The following SMPD3 variants were observed in gnomAD, a reference collection of about 807,000 sequenced individuals.
The protein encoded by SMPD3 is nSMase-2.
A neutral mutation model predicts 55.7 loss-of-function variants in SMPD3; 21 were observed. That is an observed-to-expected ratio of 0.38 (90% CI 0.27 to 0.54). The LOEUF is 0.54. Among genes scored for constraint, SMPD3 ranks in the 20% least tolerant of loss-of-function variants. SMPD3 has a pLI of 0.80. For missense variants in SMPD3, 842 were observed against 899.6 expected (o/e 0.94, Z 0.82); for synonymous variants, 457 against 404.3 (o/e 1.13, Z -1.56).
intron 3 of SMPD3, among the ~76,000 whole-genome samples, chr16:68,366,442 A>G (rs2089480527): frequency 6.6e-6 from 1 of 151,950 alleles, no homozygotes; most frequent in Non-Finnish European, 1.5e-5. Context: ...TTCACCATTC[A>G]CTTCTTGCCC....
chr16:68,388,234 C>A (rs1418269345), intron 1 of SMPD3, among the ~76,000 whole-genome samples: 2 of 152,192 alleles, frequency 1.3e-5, no homozygotes, highest in Non-Finnish European at 2.9e-5. Context: ...TGGCTTTTGC[C>A]CTCAGAGCCA....
intron 1 of SMPD3, among the ~76,000 whole-genome samples, chr16:68,407,582 G>A (rs1037715097): frequency 9.9e-5 from 15 of 152,032 alleles, no homozygotes; most frequent in Non-Finnish European, 1.5e-4. Flanking sequence ...GGATCCTCCC[G>A]TCTCAGCCTC....
intron 1 of SMPD3, among the ~76,000 whole-genome samples, chr16:68,410,459 C>G (rs1442165898): frequency 6.6e-6 from 1 of 152,146 alleles, no homozygotes; most frequent in African/African-American, 2.4e-5. Context: ...CCCCCAGCCT[C>G]AGGCTATTTG....
chr16:68,433,230 C>T (rs533851362), intron 1 of SMPD3, among the ~76,000 whole-genome samples: 2 of 152,290 alleles, frequency 1.3e-5, no homozygotes, highest in East Asian at 1.9e-4. Flanking sequence ...CTGATTCTTT[C>T]GTAAGAACCT....
chr16:68,361,838 GTCTCCTCCCAGT>G, intron 7 of SMPD3, 79 bp from the exon 8 acceptor site: 2 of 1,426,634 alleles, frequency 1.4e-6, no homozygotes, highest in Non-Finnish European at 1.9e-6. Context: ...TGGAGCCATG[GTCTCCTCCCAGT>G]GTGGGAGCGG....
chr16:68,390,061 G>A (rs1173526265), intron 1 of SMPD3, among the ~76,000 whole-genome samples: 1 of 152,198 alleles, frequency 6.6e-6, no homozygotes, highest in Admixed American at 6.5e-5. Flanking sequence ...GCGTTTTCCA[G>A]GAAGGGGGTG....
chr16:68,440,345 G>A (rs1390793109), intron 1 of SMPD3, among the ~76,000 whole-genome samples: 1 of 152,156 alleles, frequency 6.6e-6, no homozygotes, highest in African/African-American at 2.4e-5. Flanking sequence ...GACTACAGGT[G>A]CACACCACCA....
rs759989348 is a variant in SMPD3 at position 68,364,748 on chromosome 16, C to T, written c.1555+3G>A. 1.9e-6 allele frequency: 3 copies of T among 1,611,834 alleles called. No homozygotes were observed. Among genetic ancestry groups the T allele is most frequent in the Non-Finnish European group, 2.5e-6 (3 of 1,178,942 alleles). ...ACCTGAGTGGGGAGGAGCCCGGCCTCACCAGAGGAGCAGTTATCAAAGTTG... is the reference window on the plus strand; with the variant it reads ...ACCTGAGTGGGGAGGAGCCCGGCCTTACCAGAGGAGCAGTTATCAAAGTTG... On this transcript the variant is annotated splice_donor_region_variant and intron_variant, in intron 5 of 8. Coordinates refer to ENST00000219334, the MANE Select transcript of SMPD3 (RefSeq NM_018667.4).
At position 68,371,181 on chromosome 16, in the gene SMPD3, G is replaced by A. The variant is rs1360364782; in HGVS notation, c.1001C>T (p.Ala334Val). ...GTCGGGGTGCCGCCTCCTGCGTGCA[G>A]CCGCCTTCTTCACCACCGAGGCCTT... ...LYKASVVKKA[A>V]ARRRRHPDEA... The change falls in exon 3 of 9, where the codon GCT (alanine) becomes GTT (valine). Residue 334 changes from alanine (A) to valine (V), a missense_variant. Transcript: ENST00000219334. The A allele has an allele frequency of 1.2e-6, 2 of 1,612,406 alleles. No individual in the cohort carries two copies. The highest frequency in any genetic ancestry group is 1.3e-5 in the African/African-American group (1 of 74,840).
At chr16:68,422,695 G>C (rs1382580767) in intron 1 of SMPD3, among the ~76,000 whole-genome samples, 1 of 152,186 alleles carries the variant, frequency 6.6e-6, no homozygotes, top group Non-Finnish European at 1.5e-5. Context: ...ACTGCAAATT[G>C]CTTCCCATGC....
intron 1 of SMPD3, among the ~76,000 whole-genome samples, chr16:68,409,881 C>A (rs1238762356): frequency 2.6e-5 from 4 of 152,200 alleles, no homozygotes; most frequent in South Asian, 2.1e-4. Flanking sequence ...CGTGAGCCAC[C>A]GCGCCCAGCC....
chr16:68,365,041 A>T lies in SMPD3; in HGVS notation c.1375T>A (p.Cys459Ser). 6.2e-7 allele frequency: 1 copy of T among 1,614,124 alleles called. No individual in the cohort carries two copies. The highest frequency in any genetic ancestry group is 8.5e-7 in the Non-Finnish European group (1 of 1,180,000). The change falls in exon 4 of 9, where the codon TGC becomes AGC. Residue 459 changes from cysteine to serine, a missense_variant. Physicochemically the swap from Cys to Ser is moderately radical, Grantham distance 112. Transcript: ENST00000219334. The stretch of plus-strand genomic sequence containing the variant: ...CCTTGCGGGGCATGCAGGTGTGTGC[A>T]GGCGATGTACCCGACGATTCTTTGG... ...QDQRIVGYIA[C>S]THLHAPQEDS...
At chr16:68,362,049 C>T (rs1530645) in intron 7 of SMPD3, among the ~76,000 whole-genome samples, 22,731 of 152,208 alleles carry the variant, frequency 0.15, 1,811 homozygotes, top group African/African-American at 0.21. Context: ...CAGAACTGAT[C>T]CCACCCGTTC....
chr16:68,386,334 T>C (rs2090052463), intron 2 of SMPD3, among the ~76,000 whole-genome samples: 1 of 152,148 alleles, frequency 6.6e-6, no homozygotes, highest in African/African-American at 2.4e-5. Flanking sequence ...TCCCATATAT[T>C]GAGGGAGTTA....
At chr16:68,363,414 C>A in intron 7 of SMPD3, 82 bp downstream of exon 7, 1 of 1,499,170 alleles carries the variant, frequency 6.7e-7, no homozygotes, top group East Asian at 2.3e-5. Context: ...GAGCTGAGCT[C>A]TCCCATGTGG....
In SMPD3 at chr16:68,365,068, C is replaced by T; in HGVS notation, c.1348G>A (p.Asp450Asn). The stretch of plus-strand genomic sequence containing the variant: ...GCGATGTACCCGACGATTCTTTGGT[C>T]CTGAGGTGTGCTTCCCACCTGCACC... The part of the protein sequence containing the change: ...LKVQVGSTPQ[D>N]QRIVGYIACT... The change falls in exon 4 of 9, where the codon GAC becomes AAC. Residue 450 changes from aspartate to asparagine, a missense_variant. By Grantham distance (23) the Asp-to-Asn change is conservative (BLOSUM62 1). Transcript: ENST00000219334. 1.2e-6 allele frequency: 2 copies of T among 1,614,072 alleles called. No homozygotes were observed. Among genetic ancestry groups the T allele is most frequent in the Middle Eastern group, 1.6e-4 (1 of 6,062 alleles).
At chr16:68,370,705 G>A (rs1215253435) in intron 3 of SMPD3, among the ~76,000 whole-genome samples, 154 bp downstream of exon 3, 9 of 152,138 alleles carry the variant, frequency 5.9e-5, no homozygotes, top group African/African-American at 2.2e-4. Context: ...CCAGGGCCCT[G>A]CTGTTTGGCT....
chr16:68,413,842 C>T (rs1007916066), intron 1 of SMPD3, among the ~76,000 whole-genome samples: 3 of 152,190 alleles, frequency 2.0e-5, no homozygotes, highest in Admixed American at 6.5e-5. Flanking sequence ...AGCTGCTACA[C>T]ACCAAATATA....
intron 2 of SMPD3, 122 bp from the exon 3 acceptor site, chr16:68,372,509 G>A (rs903221769): frequency 7.2e-6 from 3 of 418,314 alleles, no homozygotes; most frequent in Non-Finnish European, 1.3e-5. Context: ...ACAGTTCTGA[G>A]AACCAGGCTG....
Sources: gnomAD v4.1 joint callset for allele counts (sites outside exome capture counted in the v4.1 genomes callset) on GRCh38, gnomAD v4.1.1 for gene constraint, MANE v1.5 for transcripts, NCBI Gene and HGNC (gene_info 2026-07-23, HGNC 2026-07-21) for gene names.